CDKAL1: variants seen among roughly 807,000 people sequenced by gnomAD.
The protein encoded by CDKAL1 is threonylcarbamoyladenosine tRNA methylthiotransferase.
In CDKAL1, 32 loss-of-function variants were observed where a neutral mutation model predicts 68.2. The ratio of observed to expected loss-of-function variants is 0.47; its 90% confidence interval spans 0.35 to 0.63. CDKAL1 has a LOEUF of 0.63. CDKAL1 is among the 30% of genes least tolerant of loss of function. CDKAL1 has a pLI of 0.00. For missense variants in CDKAL1, 606 were observed against 696.7 expected (o/e 0.87, Z 1.47); for synonymous variants, 234 against 244.3 (o/e 0.96, Z 0.39).
intron 9 of CDKAL1, among the ~76,000 whole-genome samples, chr6:20,884,584 T>C (rs985281212): frequency 3.9e-4 from 60 of 152,204 alleles, no homozygotes; most frequent in Admixed American, 3.9e-3. Context: ...ACAGATAATA[T>C]GATCCTAAAT....
intron 9 of CDKAL1, among the ~76,000 whole-genome samples, chr6:20,888,601 A>G (rs1256680821): frequency 1.5e-5 from 2 of 133,058 alleles, no homozygotes; most frequent in Non-Finnish European, 3.1e-5. Flanking sequence ...ATTCCCGCCT[A>G]TGAGTGAGAA....
intron 4 of CDKAL1, among the ~76,000 whole-genome samples, chr6:20,592,772 T>G (rs939523395): frequency 1.3e-4 from 20 of 152,148 alleles, no homozygotes; most frequent in African/African-American, 4.6e-4. Flanking sequence ...TGGCCTCAGC[T>G]TTTGCCCATT....
chr6:20,983,078 C>T (rs922428531), intron 10 of CDKAL1, among the ~76,000 whole-genome samples: 14 of 152,240 alleles, frequency 9.2e-5, no homozygotes, highest in African/African-American at 2.2e-4. Context: ...CTTTTATTTA[C>T]GTTCCAATTA....
chr6:20,862,610 C>T (rs776697330), intron 9 of CDKAL1, among the ~76,000 whole-genome samples: 1 of 151,872 alleles, frequency 6.6e-6, no homozygotes, highest in Non-Finnish European at 1.5e-5. Flanking sequence ...TGTTGACATT[C>T]TTTCTGCCTT....
At chr6:21,161,154 T>C (rs1038043665) in intron 13 of CDKAL1, among the ~76,000 whole-genome samples, 1 of 152,158 alleles carries the variant, frequency 6.6e-6, no homozygotes, top group African/African-American at 2.4e-5. Context: ...TTTGCTGTCC[T>C]GAGTTAAAAG....
At chr6:20,678,562 A>G (rs11968032) in intron 5 of CDKAL1, among the ~76,000 whole-genome samples, 14,037 of 152,130 alleles carry the variant, frequency 0.092, 2,087 homozygotes, top group African/African-American at 0.31. Context: ...TTTAAGTGAA[A>G]TGAATTACTA....
intron 8 of CDKAL1, among the ~76,000 whole-genome samples, chr6:20,811,891 A>T (rs577757503): frequency 1.6e-4 from 24 of 152,130 alleles, no homozygotes; most frequent in African/African-American, 5.5e-4. Flanking sequence ...AGTCACAAAA[A>T]TGTCTATCAA....
intron 11 of CDKAL1, among the ~76,000 whole-genome samples, chr6:21,013,190 G>T (rs1768115207): frequency 6.6e-6 from 1 of 152,100 alleles, no homozygotes; most frequent in East Asian, 1.9e-4. Flanking sequence ...TGCTATGCTT[G>T]GCTTTTTCAG....
intron 8 of CDKAL1, among the ~76,000 whole-genome samples, chr6:20,792,500 T>G (rs968933927): frequency 3.3e-5 from 5 of 152,242 alleles, no homozygotes; most frequent in African/African-American, 1.2e-4. Context: ...TGTACTGTTC[T>G]GTTACTGCTC....
chr6:20,969,867 A>G (rs770393976), intron 10 of CDKAL1, among the ~76,000 whole-genome samples: 1 of 151,910 alleles, frequency 6.6e-6, no homozygotes, highest in African/African-American at 2.4e-5. Context: ...CTATGCATAC[A>G]TGGAACCTTC....
At chr6:21,023,994 A>G (rs934909953) in intron 11 of CDKAL1, among the ~76,000 whole-genome samples, 2 of 152,224 alleles carry the variant, frequency 1.3e-5, no homozygotes, top group Admixed American at 6.5e-5. Flanking sequence ...CATGAATTTT[A>G]ATGTGTACCA....
chr6:21,023,385 A>G (rs1360601945), intron 11 of CDKAL1, among the ~76,000 whole-genome samples: 1 of 152,096 alleles, frequency 6.6e-6, no homozygotes, highest in Non-Finnish European at 1.5e-5. Context: ...ATAACCTTAC[A>G]CTTCCTGTTA....
At chr6:20,543,386 G>A (rs1429094124) in intron 2 of CDKAL1, among the ~76,000 whole-genome samples, 11 of 152,128 alleles carry the variant, frequency 7.2e-5, no homozygotes. Context: ...ATACCTCATT[G>A]TGGTTTTAGT....
At chr6:21,086,345 A>G (rs1166641522) in intron 12 of CDKAL1, among the ~76,000 whole-genome samples, 1 of 152,218 alleles carries the variant, frequency 6.6e-6, no homozygotes, top group African/African-American at 2.4e-5. Flanking sequence ...ACTTAATTAA[A>G]ATATAGACTC....
intron 9 of CDKAL1, among the ~76,000 whole-genome samples, chr6:20,906,473 TG>T (rs1215527943): frequency 2.0e-5 from 3 of 152,162 alleles, no homozygotes; most frequent in African/African-American, 4.8e-5. Context: ...CAACTTATGA[TG>T]GGGCTACTTC....
At chr6:20,782,271 G>T (rs1775463915) in intron 8 of CDKAL1, among the ~76,000 whole-genome samples, 2 of 152,218 alleles carry the variant, frequency 1.3e-5, no homozygotes, top group Non-Finnish European at 2.9e-5. Context: ...CCATGGAGTG[G>T]CATTCAGTGA....
chr6:20,602,544 C>T (rs749074486), intron 4 of CDKAL1, among the ~76,000 whole-genome samples: 9 of 152,178 alleles, frequency 5.9e-5, no homozygotes, highest in Non-Finnish European at 1.3e-4. Flanking sequence ...GCTTTTACGT[C>T]GTGGTTAGTG....
intron 7 of CDKAL1, among the ~76,000 whole-genome samples, chr6:20,759,448 G>A (rs1199817133): frequency 6.6e-6 from 1 of 152,046 alleles, no homozygotes; most frequent in Middle Eastern, 3.2e-3. Flanking sequence ...AGGCTGAGGT[G>A]GGAGGATTGC....
chr6:21,118,741 C>T (rs186029152), intron 13 of CDKAL1, among the ~76,000 whole-genome samples: 1 of 152,256 alleles, frequency 6.6e-6, no homozygotes, highest in Admixed American at 6.5e-5. Flanking sequence ...CCTTTGGGTA[C>T]CTTTGAGAAT....
Sources: gnomAD v4.1 joint callset for allele counts (sites outside exome capture counted in the v4.1 genomes callset) on GRCh38, gnomAD v4.1.1 for gene constraint, MANE v1.5 for transcripts, NCBI Gene and HGNC (gene_info 2026-07-23, HGNC 2026-07-21) for gene names.